The following SCHIP1 variants were observed in gnomAD, a reference collection of about 807,000 sequenced individuals.
SCHIP1 encodes the protein schwannomin-interacting protein 1.
A neutral mutation model predicts 29.7 loss-of-function variants in SCHIP1; 8 were observed. The ratio of observed to expected loss-of-function variants is 0.27; its 90% confidence interval spans 0.16 to 0.49. SCHIP1 has a LOEUF of 0.49. SCHIP1 is among the 20% of genes least tolerant of loss of function. SCHIP1 has a pLI of 0.99. For missense variants in SCHIP1, 193 were observed against 294.6 expected (o/e 0.66, Z 2.52); for synonymous variants, 76 against 94.9 (o/e 0.80, Z 1.16).
chr3:159,622,141 C>T, the SCHIP1 span, among the ~76,000 whole-genome samples: 1 of 152,198 alleles, frequency 6.6e-6, no homozygotes, highest in Admixed American at 6.5e-5. Context: ...TCAGGCTTCC[C>T]AGAACCTACT....
At chr3:159,772,131 G>A in the SCHIP1 span, among the ~76,000 whole-genome samples, 1 of 152,090 alleles carries the variant, frequency 6.6e-6, no homozygotes, top group Non-Finnish European at 1.5e-5. Flanking sequence ...TCTGATTTTG[G>A]TTCCCGGCTC....
the SCHIP1 span, among the ~76,000 whole-genome samples, chr3:159,489,347 T>G: frequency 9.8e-5 from 15 of 152,346 alleles, no homozygotes; most frequent in Admixed American, 9.1e-4. Context: ...ATTAGCCTGA[T>G]AGAAAGGAGT....
the SCHIP1 span, among the ~76,000 whole-genome samples, chr3:159,490,248 C>G: frequency 6.6e-6 from 1 of 152,148 alleles, no homozygotes; most frequent in African/African-American, 2.4e-5. Flanking sequence ...ATTTCATGTC[C>G]TCTCTTAGTT....
the SCHIP1 span, among the ~76,000 whole-genome samples, chr3:159,591,180 T>C: frequency 2.6e-5 from 4 of 152,306 alleles, no homozygotes; most frequent in Non-Finnish European, 5.9e-5. Context: ...AAATTGAGCA[T>C]GTTTTCTAAA....
At chr3:159,655,205 C>T in the SCHIP1 span, among the ~76,000 whole-genome samples, 4 of 152,164 alleles carry the variant, frequency 2.6e-5, no homozygotes, top group South Asian at 6.2e-4. Context: ...GTTTAATATG[C>T]TACCAGTTAC....
At chr3:159,790,277 C>T in the SCHIP1 span, among the ~76,000 whole-genome samples, 990 of 152,290 alleles carry the variant, frequency 6.5e-3, 7 homozygotes, top group African/African-American at 0.023. Flanking sequence ...TTGGATATAA[C>T]TTATACTGTT....
the SCHIP1 span, among the ~76,000 whole-genome samples, chr3:159,715,853 T>C: frequency 6.6e-6 from 1 of 152,128 alleles, no homozygotes; most frequent in African/African-American, 2.4e-5. Flanking sequence ...GAGAACTTCC[T>C]CACCTAGCAA....
chr3:159,587,205 G>A, the SCHIP1 span, among the ~76,000 whole-genome samples: 1 of 152,178 alleles, frequency 6.6e-6, no homozygotes, highest in African/African-American at 2.4e-5. Flanking sequence ...CTCCTCATGT[G>A]ATTCTGATGC....
chr3:159,500,596 C>T, the SCHIP1 span, among the ~76,000 whole-genome samples: 1 of 151,920 alleles, frequency 6.6e-6, no homozygotes, highest in Non-Finnish European at 1.5e-5. Context: ...CACCTGTAGT[C>T]CCAGCTACTC....
the SCHIP1 span, chr3:159,273,910 A>C: frequency 6.2e-7 from 1 of 1,611,854 alleles, no homozygotes. Flanking sequence ...TCTACCATCT[A>C]TTTTAGGTGT....
At chr3:159,555,188 T>C in the SCHIP1 span, among the ~76,000 whole-genome samples, 2 of 152,190 alleles carry the variant, frequency 1.3e-5, no homozygotes, top group African/African-American at 2.4e-5. Context: ...TTCCCCTCTC[T>C]GACTACCAAA....
At chr3:159,566,806 G>A in the SCHIP1 span, among the ~76,000 whole-genome samples, 5 of 152,138 alleles carry the variant, frequency 3.3e-5, no homozygotes, top group South Asian at 4.1e-4. Flanking sequence ...AGAGAGTGCC[G>A]TACCTCCCTA....
chr3:159,356,719 T>C, the SCHIP1 span, among the ~76,000 whole-genome samples: 1 of 152,320 alleles, frequency 6.6e-6, no homozygotes, highest in South Asian at 2.1e-4. Context: ...CCTAATTTAC[T>C]CTCTTAGAGT....
chr3:159,880,214 C>A (rs371811948), intron 2 of SCHIP1, among the ~76,000 whole-genome samples: 1 of 152,116 alleles, frequency 6.6e-6, no homozygotes, highest in African/African-American at 2.4e-5. Context: ...GGAAACTACC[C>A]ATAACTTCTC....
At chr3:159,765,136 T>A in the SCHIP1 span, 1 of 1,558,480 alleles carries the variant, frequency 6.4e-7, no homozygotes, top group South Asian at 1.2e-5. Context: ...CAACTCCACC[T>A]CCGTAAGTTG....
chr3:159,557,254 C>T, the SCHIP1 span, among the ~76,000 whole-genome samples: 1 of 152,174 alleles, frequency 6.6e-6, no homozygotes, highest in Non-Finnish European at 1.5e-5. Context: ...TGTAATCACT[C>T]TTATAAGGGT....
At chr3:159,858,851 C>T (rs1467845574) in intron 1 of SCHIP1, among the ~76,000 whole-genome samples, 1 of 152,156 alleles carries the variant, frequency 6.6e-6, no homozygotes, top group Non-Finnish European at 1.5e-5. Flanking sequence ...GCAGCCCAGG[C>T]TGACACTTAT....
chr3:159,770,395 G>C, the SCHIP1 span, among the ~76,000 whole-genome samples: 1 of 152,134 alleles, frequency 6.6e-6, no homozygotes, highest in African/African-American at 2.4e-5. Flanking sequence ...GAGTAGCTGG[G>C]ATTACAGGCA....
chr3:159,664,629 G>C, the SCHIP1 span, among the ~76,000 whole-genome samples: 2 of 152,330 alleles, frequency 1.3e-5, no homozygotes, highest in Non-Finnish European at 2.9e-5. Flanking sequence ...TGAAACATGT[G>C]TTGCCACATC....
Sources: gnomAD v4.1 joint callset for allele counts (sites outside exome capture counted in the v4.1 genomes callset) on GRCh38, gnomAD v4.1.1 for gene constraint, MANE v1.5 for transcripts, NCBI Gene and HGNC (gene_info 2026-07-23, HGNC 2026-07-21) for gene names.